The following GPC6 variants were observed in gnomAD, a reference collection of about 807,000 sequenced individuals.
The protein encoded by GPC6 is glypican 6.
In GPC6, 14 loss-of-function variants were observed where a neutral mutation model predicts 55.2. The ratio of observed to expected loss-of-function variants is 0.25; its 90% confidence interval spans 0.17 to 0.40. The LOEUF (loss-of-function observed/expected upper bound fraction) is 0.40. Among genes scored for constraint, GPC6 ranks in the 10% least tolerant of loss-of-function variants. The probability of loss-of-function intolerance (pLI) is 1.00; values close to 1 mark genes in which losing one functional copy is unlikely to be tolerated. For missense variants in GPC6, 641 were observed against 708.5 expected (o/e 0.90, Z 1.08); for synonymous variants, 278 against 259.6 (o/e 1.07, Z -0.68).
At chr13:93,802,118 G>A (rs1298580855) in intron 2 of GPC6, among the ~76,000 whole-genome samples, 1 of 152,030 alleles carries the variant, frequency 6.6e-6, no homozygotes, top group Non-Finnish European at 1.5e-5. Flanking sequence ...TATGACAGTT[G>A]TTTTTTCACT....
chr13:93,295,833 A>G (rs1228824249), intron 1 of GPC6, among the ~76,000 whole-genome samples: 1 of 151,922 alleles, frequency 6.6e-6, no homozygotes. Context: ...CTCAGCCTCC[A>G]GTGTAGCTGG....
chr13:93,739,379 T>C (rs545067529), intron 2 of GPC6, among the ~76,000 whole-genome samples: 14 of 152,026 alleles, frequency 9.2e-5, no homozygotes, highest in African/African-American at 3.1e-4. Context: ...CTTTTAATTA[T>C]ACATAATAAA....
chr13:94,129,932 G>A (rs577451023), intron 4 of GPC6, among the ~76,000 whole-genome samples: 4 of 152,242 alleles, frequency 2.6e-5, no homozygotes, highest in South Asian at 4.1e-4. Flanking sequence ...ATGTTACACA[G>A]AAGATCATAT....
At chr13:94,146,795 A>C (rs184684932) in intron 4 of GPC6, among the ~76,000 whole-genome samples, 92 of 152,304 alleles carry the variant, frequency 6.0e-4, no homozygotes, top group African/African-American at 2.2e-3. Flanking sequence ...TATGTGATTG[A>C]CCAGATCCGA....
At chr13:94,198,409 G>A (rs766162127) in intron 4 of GPC6, among the ~76,000 whole-genome samples, 21 of 152,210 alleles carry the variant, frequency 1.4e-4, no homozygotes, top group Admixed American at 5.2e-4. Flanking sequence ...CCTAAGAAAC[G>A]AACTAGGAAG....
chr13:93,274,389 G>T (rs1877658931), intron 1 of GPC6, among the ~76,000 whole-genome samples: 1 of 152,034 alleles, frequency 6.6e-6, no homozygotes, highest in Non-Finnish European at 1.5e-5. Context: ...TGTCCTTTAA[G>T]TATCAATACA....
At chr13:93,878,870 C>T (rs1227542472) in intron 3 of GPC6, among the ~76,000 whole-genome samples, 1 of 152,000 alleles carries the variant, frequency 6.6e-6, no homozygotes, top group Non-Finnish European at 1.5e-5. Context: ...TATATCAGCA[C>T]AAATCGACCA....
chr13:94,090,185 C>A (rs940609687), intron 4 of GPC6, among the ~76,000 whole-genome samples: 1 of 152,012 alleles, frequency 6.6e-6, no homozygotes, highest in Non-Finnish European at 1.5e-5. Flanking sequence ...TAGTGGCAGG[C>A]AAGAGAATGT....
Position 94,370,848 on chromosome 13 carries a change from CAG to C in GPC6, c.1153-11564_1153-11563del, listed in dbSNP as rs529927929. On this transcript the variant is annotated intron_variant, in intron 6 of 8. Transcript: ENST00000377047. ...GTACCTCATGAAATTTACATAAAAA[CAG>C]AAACTTTTGAAAGATGAGAAAAAGA... is the stretch of plus-strand genomic sequence containing the variant. Among the ~76,000 whole-genome samples the C allele has an allele frequency of 3.0e-3, 454 of 152,214 alleles. 2 individuals are homozygous for C. Among genetic ancestry groups the C allele is most frequent in the Non-Finnish European group, 5.4e-3 (364 of 67,998 alleles).
intron 1 of GPC6, among the ~76,000 whole-genome samples, chr13:93,535,971 A>G (rs1440958592): frequency 6.6e-6 from 1 of 152,164 alleles, no homozygotes; most frequent in Non-Finnish European, 1.5e-5. Context: ...CTCATGCTCT[A>G]ACAAGCACTT....
intron 3 of GPC6, among the ~76,000 whole-genome samples, chr13:93,969,700 A>ATT (rs569429401): frequency 1.3e-5 from 2 of 150,018 alleles, no homozygotes; most frequent in Admixed American, 6.7e-5. Flanking sequence ...ATTTACATCC[A>ATT]TTTTTTTTTC....
At chr13:94,374,686 G>T (rs1291675589) in intron 6 of GPC6, among the ~76,000 whole-genome samples, 1 of 151,254 alleles carries the variant, frequency 6.6e-6, no homozygotes, top group East Asian at 1.9e-4. Flanking sequence ...CCCAGGAATT[G>T]AACTCAGCTC....
chr13:93,613,070 G>A (rs1257036922), intron 2 of GPC6, among the ~76,000 whole-genome samples: 1 of 152,176 alleles, frequency 6.6e-6, no homozygotes, highest in Non-Finnish European at 1.5e-5. Context: ...TGTGACGTAT[G>A]TGTTCTTATA....
intron 1 of GPC6, among the ~76,000 whole-genome samples, chr13:93,491,781 C>G (rs1880016986): frequency 7.7e-6 from 1 of 129,712 alleles, no homozygotes; most frequent in Admixed American, 7.9e-5. Context: ...ATAGGGAATC[C>G]TTTCCCCATT....
At chr13:93,791,130 T>A (rs1886020171) in intron 2 of GPC6, among the ~76,000 whole-genome samples, 1 of 152,180 alleles carries the variant, frequency 6.6e-6, no homozygotes, top group Non-Finnish European at 1.5e-5. Flanking sequence ...CATTCATCGA[T>A]GAATGTGTAG....
At chr13:93,424,409 G>C (rs1877042959) in intron 1 of GPC6, among the ~76,000 whole-genome samples, 1 of 152,128 alleles carries the variant, frequency 6.6e-6, no homozygotes. Context: ...TCGGCTGTAA[G>C]CTGTTGGCAG....
At chr13:94,304,157 C>T (rs1261137751) in intron 5 of GPC6, among the ~76,000 whole-genome samples, 3 of 152,218 alleles carry the variant, frequency 2.0e-5, no homozygotes, top group South Asian at 2.1e-4. Flanking sequence ...TTTATCACAT[C>T]GGTTTACACC....
intron 1 of GPC6, among the ~76,000 whole-genome samples, chr13:93,435,869 G>A (rs7338634): frequency 0.21 from 32,217 of 152,118 alleles, 3,566 homozygotes; most frequent in Middle Eastern, 0.29. Flanking sequence ...AGCAAATTTT[G>A]TAGAAAGATG....
chr13:94,270,761 G>C (rs1464007813), intron 4 of GPC6, among the ~76,000 whole-genome samples: 4 of 152,054 alleles, frequency 2.6e-5, no homozygotes, highest in Admixed American at 1.3e-4. Context: ...CATCTTCTAA[G>C]ACCAGAATAT....
Sources: gnomAD v4.1 joint callset for allele counts (sites outside exome capture counted in the v4.1 genomes callset) on GRCh38, gnomAD v4.1.1 for gene constraint, MANE v1.5 for transcripts, NCBI Gene and HGNC (gene_info 2026-07-23, HGNC 2026-07-21) for gene names.